PLK4: variants seen among roughly 807,000 people sequenced by gnomAD.
The protein encoded by PLK4 is polo like kinase 4.
A neutral mutation model predicts 103.0 loss-of-function variants in PLK4; 51 were observed. The observed-to-expected ratio is 0.50, with a 90% CI of 0.40 to 0.63. PLK4 has a LOEUF of 0.63. Ranked by LOEUF, PLK4 falls within the 20% of genes least tolerant of loss-of-function variation. The pLI is 0.00. For synonymous variants in PLK4, 389 were observed against 376.8 expected (o/e 1.03, Z -0.38); for missense variants, 1,054 against 1,151.0 (o/e 0.92, Z 1.22).
chr4:127,891,291 A>T, intron 8 of PLK4, 95 bp downstream of exon 8: 1 of 631,630 alleles, frequency 1.6e-6, no homozygotes, highest in South Asian at 3.0e-5. Context: ...AAGTTTTTTT[A>T]AAATCAGTTT....
chr4:127,895,125 A>G, intron 14 of PLK4, 32 bp downstream of exon 14: 4 of 1,449,930 alleles, frequency 2.8e-6, no homozygotes, highest in Non-Finnish European at 2.8e-6. Context: ...GCATTTTCTC[A>G]GTATGAATTT....
intron 4 of PLK4, among the ~76,000 whole-genome samples, chr4:127,884,429 A>T (rs1340311452): frequency 6.6e-6 from 1 of 152,240 alleles, no homozygotes; most frequent in South Asian, 2.1e-4. Flanking sequence ...AGTTTATTCC[A>T]AAGAAATAAT....
Position 127,887,506 on chromosome 4 carries a change from T to G in PLK4, c.1459+10T>G. 7.1e-7 allele frequency: 1 copy of G among 1,415,062 alleles called. No individual in the cohort carries two copies. The highest frequency in any genetic ancestry group is 9.9e-7 in the Non-Finnish European group (1 of 1,005,446). The allele number at this position is 1,415,062 out of a possible 1,614,324, so 87.7% of individuals were successfully genotyped here. On this transcript the variant is annotated intron_variant, in intron 6 of 15. Transcript: ENST00000270861. Reference sequence around the variant, plus strand: ...AATCTGCAAATAAATGGTGAGTTTTTAATGGAGTATTTAATCAAGAATTAA... The same window carrying G: ...AATCTGCAAATAAATGGTGAGTTTTGAATGGAGTATTTAATCAAGAATTAA...
intron 7 of PLK4, 81 bp downstream of exon 7, chr4:127,890,317 T>G: frequency 1.8e-6 from 2 of 1,123,122 alleles, no homozygotes; most frequent in South Asian, 1.7e-5. Context: ...TTTAGTCCTC[T>G]GTAATGTCCT....
Position 127,891,655 on chromosome 4 carries a change from G to A in PLK4, c.2012G>A (p.Ser671Asn). Reference sequence around the variant, plus strand: ...CCACCCTCACCTACTGACAACATCAGTAGGTACAGCTTTGACAATTTACCA... The same window carrying A: ...CCACCCTCACCTACTGACAACATCAATAGGTACAGCTTTGACAATTTACCA... ...DRPPSPTDNISRYSFDNLPEK... is the reference protein window; with the variant it reads ...DRPPSPTDNINRYSFDNLPEK... The change falls in exon 9 of 16, where the codon AGT (serine) becomes AAT (asparagine). Residue 671 changes from serine to asparagine, a missense_variant. Ser to Asn is a conservative substitution (Grantham distance 46, BLOSUM62 1). Around this residue, in one of 4 missense-constraint regions of PLK4, gnomAD observed 680 missense variants for 660.3 expected, o/e 1.03. Transcript: ENST00000270861. 6.6e-7 allele frequency: 1 copy of A among 1,526,134 alleles called. No homozygotes were observed. The highest frequency in any genetic ancestry group is 8.9e-7 in the Non-Finnish European group (1 of 1,124,346). The allele number at this position is 1,526,134 out of a possible 1,614,324, so 94.5% of individuals were successfully genotyped here.
At chr4:127,897,046 C>A in intron 15 of PLK4, 139 bp downstream of exon 15, 2 of 562,904 alleles carry the variant, frequency 3.6e-6, no homozygotes, top group South Asian at 2.1e-5. Flanking sequence ...GTTAATTATT[C>A]TTAGCAATTC....
At chr4:127,894,873 C>G (rs980339901) in intron 13 of PLK4, 80 bp from the exon 14 acceptor site, 36 of 921,884 alleles carry the variant, frequency 3.9e-5, no homozygotes, top group Admixed American at 3.1e-4. Flanking sequence ...AATGAAAAAT[C>G]TCATAATTGT....
chr4:127,892,615 G>A, intron 10 of PLK4, 101 bp downstream of exon 10: 1 of 861,982 alleles, frequency 1.2e-6, no homozygotes, highest in East Asian at 2.5e-5. Flanking sequence ...TTTTAAAGAT[G>A]TGTATGTATA....
chr4:127,886,866 G>A (rs1735157710), intron 5 of PLK4, 138 bp downstream of exon 5: 2 of 587,760 alleles, frequency 3.4e-6, no homozygotes, highest in African/African-American at 1.9e-5. Context: ...TTTGACCTGT[G>A]GTTAACAGTC....
chr4:127,890,028 A>G lies in PLK4; in HGVS notation c.1622A>G (p.Asn541Ser), dbSNP rs1290575438. 2 of 1,613,990 alleles carry G rather than the reference A, an allele frequency of 1.2e-6. No individual in the cohort carries two copies. The highest frequency in any genetic ancestry group is 2.2e-5 in the East Asian group (1 of 44,876). ...SDNAHSVKQQNTMKYMTALHS... is the reference protein window; with the variant it reads ...SDNAHSVKQQSTMKYMTALHS... ...AATGCACATTCTGTAAAACAGCAAA[A>G]TACCATGAAATATATGACTGCACTT... Residue 541 changes from asparagine to serine, a missense_variant, in exon 7 of 16, where the codon AAT (asparagine) becomes AGT (serine). By Grantham distance (46) the Asn-to-Ser change is conservative (BLOSUM62 1). Around this residue, in one of 4 missense-constraint regions of PLK4, gnomAD observed 680 missense variants for 660.3 expected, o/e 1.03. Transcript: ENST00000270861.
In PLK4 at chr4:127,887,947, A is replaced by G. The variant is rs550349606; in HGVS notation, c.1459+451A>G. On this transcript the variant is annotated intron_variant, in intron 6 of 15. Coordinates refer to ENST00000270861, the MANE Select transcript of PLK4 (RefSeq NM_014264.5). ...GTAATCCTAGTACTTTGGGAGGCCA[A>G]GCCAGGCAGGTAACTTGAGGTCAGG... Among the ~76,000 whole-genome samples the G allele has an allele frequency of 1.4e-3, 219 of 151,296 alleles. 2 individuals are homozygous for G. Among genetic ancestry groups the G allele is most frequent in the African/African-American group, 4.2e-3 (174 of 41,232 alleles).
At chr4:127,888,214 C>CAAAAAAAAAAAA (rs1304799289) in intron 6 of PLK4, among the ~76,000 whole-genome samples, 4 of 38,856 alleles carry the variant, frequency 1.0e-4, no homozygotes, top group Non-Finnish European at 1.9e-4. Context: ...AAAAAAAAAG[C>CAAAAAAAAAAAA]ATTTTCAGTA....
chr4:127,897,353 T>C (rs1421795011), intron 15 of PLK4, among the ~76,000 whole-genome samples: 1 of 152,226 alleles, frequency 6.6e-6, no homozygotes, highest in Non-Finnish European at 1.5e-5. Context: ...CTTTTTTGAA[T>C]GTGTATATTC....
rs1560698440 is a variant in PLK4 at position 127,891,569 on chromosome 4, CT to C, written c.1936-6del. ...CATGTAATTAGAATTTTAAAAAAATCTTTTGGCAGATCACTATTTATTATCC... is the reference window on the plus strand; with the variant it reads ...CATGTAATTAGAATTTTAAAAAAATCTTTGGCAGATCACTATTTATTATCC... On this transcript the variant is annotated splice_polypyrimidine_tract_variant and intron_variant, in intron 8 of 15. Transcript: ENST00000270861. 4 of 1,351,214 alleles carry C rather than the reference CT, an allele frequency of 3.0e-6. No individual in the cohort carries two copies. Among genetic ancestry groups the C allele is most frequent in the Non-Finnish European group, 4.1e-6 (4 of 984,936 alleles). 83.7% of individuals were successfully genotyped at this position (1,351,214 alleles called of 1,614,324 possible). A position where few individuals can be genotyped will look rare whatever the true frequency, so the allele number is the denominator to read the frequency against.
chr4:127,891,002 A>G (rs1735333527), intron 7 of PLK4, 90 bp from the exon 8 acceptor site: 1 of 651,064 alleles, frequency 1.5e-6, no homozygotes, highest in Non-Finnish European at 2.6e-6. Context: ...TGTTTCTGCC[A>G]TGGTTAAGTA....
At chr4:127,884,356 CG>C (rs1560691902) in intron 4 of PLK4, among the ~76,000 whole-genome samples, 2 of 152,070 alleles carry the variant, frequency 1.3e-5, no homozygotes, top group African/African-American at 2.4e-5. Flanking sequence ...GAAAACAATT[CG>C]GACATATGTA....
At chr4:127,888,367 G>T (rs761333044) in intron 6 of PLK4, among the ~76,000 whole-genome samples, 6 of 151,848 alleles carry the variant, frequency 4.0e-5, no homozygotes, top group African/African-American at 1.5e-4. Flanking sequence ...GAGGAAACTG[G>T]GTACACAGAG....
At chr4:127,881,318 T>G in intron 1 of PLK4, 154 bp downstream of exon 1, 1 of 1,492,734 alleles carries the variant, frequency 6.7e-7, no homozygotes, top group Non-Finnish European at 8.9e-7. Flanking sequence ...CCCTGCTGTT[T>G]AGGGGCGGAG....
At chr4:127,893,017 T>C (rs1439906455) in intron 10 of PLK4, among the ~76,000 whole-genome samples, 2 of 152,092 alleles carry the variant, frequency 1.3e-5, no homozygotes, top group East Asian at 1.9e-4. Context: ...CATATAATTA[T>C]AGCTATCCTT....
Sources: gnomAD v4.1 joint callset for allele counts (sites outside exome capture counted in the v4.1 genomes callset) on GRCh38, gnomAD v4.1.1 for gene constraint, gnomAD v4.1.1 regional missense constraint, MANE v1.5 for transcripts, NCBI Gene and HGNC (gene_info 2026-07-23, HGNC 2026-07-21) for gene names.